Variants in DPP4 observed in about 807,000 individuals in gnomAD.
The protein encoded by DPP4 is dipeptidyl peptidase 4, also known as ADCP-2.
Under a neutral mutation model 122.4 loss-of-function variants are expected in DPP4, and 93 were observed. That is an observed-to-expected ratio of 0.76 (90% CI 0.64 to 0.90). The LOEUF (loss-of-function observed/expected upper bound fraction) is 0.90. Ranked by LOEUF, DPP4 falls within the 40% of genes least tolerant of loss-of-function variation. DPP4 has a pLI of 0.00. For missense variants in DPP4, 914 were observed against 907.3 expected (o/e 1.01, Z -0.09); for synonymous variants, 321 against 302.9 (o/e 1.06, Z -0.62).
chr2:162,030,574 C>T (rs1163207333), intron 10 of DPP4, among the ~76,000 whole-genome samples: 3 of 152,170 alleles, frequency 2.0e-5, no homozygotes, highest in Non-Finnish European at 4.4e-5. Context: ...TACTAAGAGG[C>T]GTAACTCACC....
intron 18 of DPP4, among the ~76,000 whole-genome samples, chr2:162,015,019 G>A (rs796735966): frequency 9.2e-5 from 14 of 152,238 alleles, no homozygotes; most frequent in African/African-American, 4.8e-5. Flanking sequence ...AAACTGTTGC[G>A]TACATTCTGT....
rs764539184 is a variant in DPP4 at position 162,033,550 on chromosome 2, A to G, written c.878T>C (p.Met293Thr). 24 of 1,612,060 alleles carry G rather than the reference A, an allele frequency of 1.5e-5. No individual in the cohort carries two copies. The highest frequency in any genetic ancestry group is 2.0e-5 in the Non-Finnish European group (23 of 1,178,688). The change falls in exon 10 of 26, where the codon ATG (methionine) becomes ACG (threonine). Residue 293 changes from methionine to threonine, a missense_variant. Coordinates refer to ENST00000360534, the MANE Select transcript of DPP4 (RefSeq NM_001935.4). Reference protein sequence around the residue: ...TSIQITAPASMLIGDHYLCDV... With the variant: ...TSIQITAPASTLIGDHYLCDV... ...AGGACAAGAGTCTTACCCTATCAAC[A>G]TAGAAGCAGGAGCAGTGATTTGTAT...
At chr2:162,058,130 A>T (rs988592669) in intron 2 of DPP4, among the ~76,000 whole-genome samples, 6 of 152,162 alleles carry the variant, frequency 3.9e-5, no homozygotes, top group Non-Finnish European at 7.4e-5. Context: ...TGATTTCCCT[A>T]ACTGATATAA....
intron 5 of DPP4, among the ~76,000 whole-genome samples, chr2:162,041,831 C>G (rs1288352901): frequency 6.6e-6 from 1 of 152,130 alleles, no homozygotes; most frequent in Non-Finnish European, 1.5e-5. Context: ...ATCTATCAGA[C>G]ATTACTGGAT....
At chr2:162,049,072 C>T (rs1223890810) in intron 2 of DPP4, among the ~76,000 whole-genome samples, 1 of 152,166 alleles carries the variant, frequency 6.6e-6, no homozygotes, top group East Asian at 1.9e-4. Context: ...TTTCCACATA[C>T]ACACAAACAT....
chr2:162,045,572 G>A lies in DPP4; in HGVS notation c.326C>T (p.Pro109Leu), dbSNP rs990216561. ...GHSINDYSIS[P>L]DGQFILLEYN... Reference sequence around the variant, plus strand: ...TTCTAAGAGAATAAACTGCCCATCAGGAGATATTGAATAATCATTGATAGA... The same window carrying A: ...TTCTAAGAGAATAAACTGCCCATCAAGAGATATTGAATAATCATTGATAGA... Residue 109 changes from proline to leucine, a missense_variant, in exon 5 of 26, where the codon CCT becomes CTT. Physicochemically the swap from Pro to Leu is moderately conservative, Grantham distance 98. Coordinates refer to ENST00000360534, the MANE Select transcript of DPP4 (RefSeq NM_001935.4). The A allele has an allele frequency of 3.1e-6, 5 of 1,612,710 alleles. No homozygotes were observed. The African/African-American group carries it at 6.7e-5, about 22-fold the overall frequency.
chr2:162,034,160 T>C (rs1407800448), intron 9 of DPP4, among the ~76,000 whole-genome samples: 1 of 151,994 alleles, frequency 6.6e-6, no homozygotes, highest in Admixed American at 6.6e-5. Flanking sequence ...TCATTTCCAC[T>C]CTAAATTCAG....
At position 162,061,518 on chromosome 2, in the gene DPP4, A is replaced by C. The variant is rs73009184; in HGVS notation, c.94+11881T>G. Among the ~76,000 whole-genome samples, 456 of 152,352 alleles carry C rather than the reference A, an allele frequency of 3.0e-3. 1 individual carries two copies. Among genetic ancestry groups the C allele is most frequent in the African/African-American group, 0.011 (437 of 41,584 alleles). ...TATCTATTTAAGTACTTACTTTAAC[A>C]GTCTTTTCTTAACCAAACTATTAAT... is the stretch of plus-strand genomic sequence containing the variant. On this transcript the variant is annotated intron_variant, in intron 2 of 25. Transcript: ENST00000360534.
chr2:162,009,125 T>G, intron 21 of DPP4, 116 bp downstream of exon 21: 1 of 1,085,688 alleles, frequency 9.2e-7, no homozygotes, highest in Non-Finnish European at 1.4e-6. Flanking sequence ...CCCAGAGACC[T>G]AAGACTTGAT....
rs559087849 is a variant in DPP4 at position 162,044,889 on chromosome 2, G to A, written c.366+643C>T. On this transcript the variant is annotated intron_variant, in intron 5 of 25. Coordinates refer to ENST00000360534, the MANE Select transcript of DPP4 (RefSeq NM_001935.4). ...GGTGGGGCCCGAAGGTTGGGAGATG[G>A]TCTGGGCCATCTTGCGGAATCTTTT... Among the ~76,000 whole-genome samples the A allele has an allele frequency of 7.4e-4, 113 of 152,170 alleles. 1 individual carries two copies. In the South Asian group the frequency reaches 0.014, roughly 18 times the overall value.
chr2:162,046,869 A>G (rs375674677), intron 4 of DPP4, 46 bp downstream of exon 4: 14 of 1,294,320 alleles, frequency 1.1e-5, no homozygotes, highest in Non-Finnish European at 1.6e-5. Context: ...TAATGAAAAA[A>G]ATCCCCAGAA....
At chr2:162,061,964 C>T (rs963464697) in intron 2 of DPP4, among the ~76,000 whole-genome samples, 4 of 152,120 alleles carry the variant, frequency 2.6e-5, no homozygotes, top group African/African-American at 9.7e-5. Context: ...CATGATTTGA[C>T]TTATGTTTAA....
intron 2 of DPP4, among the ~76,000 whole-genome samples, chr2:162,064,437 C>T (rs1433433689): frequency 3.3e-5 from 5 of 152,016 alleles, no homozygotes; most frequent in Non-Finnish European, 5.9e-5. Flanking sequence ...AGCTTCTGGA[C>T]CTTGTGAGGT....
At chr2:162,008,201 T>A (rs1701333136) in intron 22 of DPP4, among the ~76,000 whole-genome samples, 2 of 152,134 alleles carry the variant, frequency 1.3e-5, no homozygotes, top group South Asian at 4.1e-4. Flanking sequence ...TATTTGACAT[T>A]TAATTGATGG....
intron 2 of DPP4, among the ~76,000 whole-genome samples, chr2:162,052,281 G>C (rs1398490657): frequency 7.2e-6 from 1 of 137,974 alleles, no homozygotes; most frequent in African/African-American, 2.8e-5. Context: ...TCACACCATT[G>C]CACTCCAGCC....
intron 5 of DPP4, among the ~76,000 whole-genome samples, chr2:162,040,021 A>C (rs1253529290): frequency 6.6e-6 from 1 of 152,130 alleles, no homozygotes; most frequent in Non-Finnish European, 1.5e-5. Flanking sequence ...GGCTATTATA[A>C]ACATTTTTTT....
intron 9 of DPP4, among the ~76,000 whole-genome samples, chr2:162,034,381 A>T (rs1576054044): frequency 6.6e-6 from 1 of 152,044 alleles, no homozygotes; most frequent in Admixed American, 6.6e-5. Flanking sequence ...TTAGTCTCTG[A>T]TCTTTTTTTT....
Position 162,018,803 on chromosome 2 carries a change from AG to A in DPP4, c.1345del (p.Leu449Ter), listed in dbSNP as rs754286244. The A allele has an allele frequency of 9.3e-6, 15 of 1,614,092 alleles. No individual in the cohort carries two copies. Among genetic ancestry groups the A allele is most frequent in the Non-Finnish European group, 1.1e-5 (13 of 1,180,048 alleles). On this transcript the variant is annotated frameshift_variant, in exon 16 of 26. Transcript: ENST00000360534. LOFTEE classifies it high-confidence loss of function. ...YTKVTCLSCE[L>X]NPERCQYYSV... is the part of the protein sequence containing the mutation. Reference sequence around the variant, plus strand: ...ATAGTACTGACACCTTTCCGGATTCAGCTCACAACTGAGGCATGTCACTTTT... The same window carrying A: ...ATAGTACTGACACCTTTCCGGATTCACTCACAACTGAGGCATGTCACTTTT...
chr2:162,011,336 C>T (rs1316494803), intron 20 of DPP4, among the ~76,000 whole-genome samples: 4 of 152,158 alleles, frequency 2.6e-5, no homozygotes, highest in Non-Finnish European at 5.9e-5. Flanking sequence ...CTCATCCAGA[C>T]TGTAGGAGCT....
Sources: allele counts gnomAD v4.1 joint callset (sites outside exome capture counted in the v4.1 genomes callset), GRCh38; gene constraint gnomAD v4.1.1; transcripts MANE v1.5; gene names NCBI Gene and HGNC (gene_info 2026-07-23, HGNC 2026-07-21).